The following PTPRQ variants were observed in gnomAD, a reference collection of about 807,000 sequenced individuals.
PTPRQ encodes the protein protein tyrosine phosphatase receptor type Q.
A neutral mutation model predicts 246.0 loss-of-function variants in PTPRQ; 199 were observed. The observed-to-expected ratio is 0.81, with a 90% confidence interval of 0.72 to 0.91. PTPRQ has a LOEUF of 0.91. Ranked by LOEUF, PTPRQ falls within the 40% of genes least tolerant of loss-of-function variation. PTPRQ has a pLI of 0.00. For missense variants in PTPRQ, 2,624 were observed against 2,528.4 expected (o/e 1.04, Z -0.81); for synonymous variants, 869 against 853.2 (o/e 1.02, Z -0.32).
At position 80,499,944 on chromosome 12, in the gene PTPRQ, C is replaced by T. The variant is rs74809786; in HGVS notation, c.2272+3413C>T. On this transcript the variant is annotated intron_variant, in intron 14 of 44. Coordinates refer to ENST00000644991, the MANE Select transcript of PTPRQ (RefSeq NM_001145026.2). Reference sequence around the variant, plus strand: ...TCTTTTGATGATCTATACATATTCCCTTTCCTTTTTAAGACACAACCATCT... The same window carrying T: ...TCTTTTGATGATCTATACATATTCCTTTTCCTTTTTAAGACACAACCATCT... Among the ~76,000 whole-genome samples, 1,205 of 151,994 alleles carry T rather than the reference C, an allele frequency of 7.9e-3. 15 individuals are homozygous for T. The highest frequency in any genetic ancestry group is 0.028 in the African/African-American group (1,145 of 41,504).
chr12:80,615,444 T>C (rs1243934330), intron 29 of PTPRQ, among the ~76,000 whole-genome samples: 4 of 151,080 alleles, frequency 2.6e-5, no homozygotes, highest in African/African-American at 9.7e-5. Flanking sequence ...GCCAAGAATA[T>C]AGTCTCTGTT....
chr12:80,616,951 G>A (rs767916059), intron 30 of PTPRQ, among the ~76,000 whole-genome samples: 20 of 151,260 alleles, frequency 1.3e-4, no homozygotes, highest in Non-Finnish European at 2.7e-4. Context: ...CTAAAAATGT[G>A]TAATAAAACC....
intron 32 of PTPRQ, among the ~76,000 whole-genome samples, chr12:80,620,976 TTA>T (rs1320728022): frequency 2.6e-5 from 4 of 152,056 alleles, no homozygotes; most frequent in Middle Eastern, 3.4e-3. Context: ...TTTGAATTGA[TTA>T]TGTTATTTTT....
chr12:80,521,896 G>A (rs990807092), intron 17 of PTPRQ, among the ~76,000 whole-genome samples: 3 of 152,118 alleles, frequency 2.0e-5, no homozygotes, highest in Admixed American at 6.6e-5. Flanking sequence ...CCAATTCTGT[G>A]AAGAAAGTCA....
intron 25 of PTPRQ, among the ~76,000 whole-genome samples, chr12:80,571,075 G>C (rs147031805): frequency 0.022 from 3,405 of 152,082 alleles, 136 homozygotes; most frequent in African/African-American, 0.077. Context: ...GCTCTTTTTT[G>C]GTTCCATATG....
At chr12:80,576,537 A>G (rs1897283224) in intron 25 of PTPRQ, among the ~76,000 whole-genome samples, 1 of 152,172 alleles carries the variant, frequency 6.6e-6, no homozygotes, top group Non-Finnish European at 1.5e-5. Context: ...CTGTCCATCC[A>G]TCCATTCATC....
At chr12:80,606,332 A>G (rs752431783) in intron 27 of PTPRQ, among the ~76,000 whole-genome samples, 2 of 151,150 alleles carry the variant, frequency 1.3e-5, no homozygotes, top group South Asian at 4.1e-4. Flanking sequence ...GTGCAAAGTA[A>G]GATGACAACC....
At chr12:80,492,400 C>G (rs1343952008) in intron 9 of PTPRQ, among the ~76,000 whole-genome samples, 1 of 151,942 alleles carries the variant, frequency 6.6e-6, no homozygotes, top group Non-Finnish European at 1.5e-5. Flanking sequence ...TAGGTATGTT[C>G]TAATTAGACT....
At chr12:80,488,675 T>C (rs1894355998) in intron 9 of PTPRQ, among the ~76,000 whole-genome samples, 1 of 152,156 alleles carries the variant, frequency 6.6e-6, no homozygotes, top group East Asian at 1.9e-4. Context: ...CATCATCTTT[T>C]TTTGTAGCCA....
intron 39 of PTPRQ, among the ~76,000 whole-genome samples, chr12:80,666,854 A>C (rs1179196288): frequency 6.6e-6 from 1 of 151,922 alleles, no homozygotes; most frequent in Non-Finnish European, 1.5e-5. Flanking sequence ...ATATCTGATC[A>C]CTTCTCACCA....
chr12:80,573,345 C>T (rs1041926885), intron 25 of PTPRQ, among the ~76,000 whole-genome samples: 8 of 151,978 alleles, frequency 5.3e-5, no homozygotes, highest in African/African-American at 1.7e-4. Context: ...AAAAATTAGC[C>T]GGGCATGGTG....
At position 80,619,413 on chromosome 12, in the gene PTPRQ, C is replaced by T; in HGVS notation, c.5260C>T (p.Pro1754Ser). ...AGCACGACCAAAAACCAAACCAACC[C>T]CTATTTATGATGCCACAGGAAAACT... ...APARPKTKPT[P>S]IYDATGKLLV... Residue 1754 changes from proline to serine, a missense_variant, in exon 31 of 45, where the codon CCT (proline) becomes TCT (serine). Pro to Ser is a moderately conservative substitution (Grantham distance 74, BLOSUM62 -1). Coordinates refer to ENST00000644991, the MANE Select transcript of PTPRQ (RefSeq NM_001145026.2). 6.5e-7 allele frequency: 1 copy of T among 1,547,650 alleles called. No individual in the cohort carries two copies. Among genetic ancestry groups the T allele is most frequent in the Non-Finnish European group, 8.7e-7 (1 of 1,144,500 alleles).
At chr12:80,633,806 G>A (rs1218730428) in intron 34 of PTPRQ, among the ~76,000 whole-genome samples, 1 of 152,156 alleles carries the variant, frequency 6.6e-6, no homozygotes, top group Admixed American at 6.5e-5. Context: ...AGTATGGACT[G>A]GCCACATTTA....
At chr12:80,651,818 T>A (rs1000719905) in intron 37 of PTPRQ, among the ~76,000 whole-genome samples, 5 of 152,196 alleles carry the variant, frequency 3.3e-5, no homozygotes, top group East Asian at 3.9e-4. Context: ...GTTAAAAAAA[T>A]TTTGTAAGCC....
At chr12:80,625,015 G>T (rs540987901) in intron 33 of PTPRQ, among the ~76,000 whole-genome samples, 1 of 152,206 alleles carries the variant, frequency 6.6e-6, no homozygotes, top group Non-Finnish European at 1.5e-5. Flanking sequence ...GGACAAGCTC[G>T]CCACAGATTC....
chr12:80,514,960 A>T (rs1174959403), intron 17 of PTPRQ, among the ~76,000 whole-genome samples: 2 of 149,516 alleles, frequency 1.3e-5, no homozygotes, highest in African/African-American at 4.9e-5. Context: ...TTAAATATAC[A>T]CATATATTTA....
intron 17 of PTPRQ, among the ~76,000 whole-genome samples, chr12:80,510,839 T>C (rs1895105069): frequency 6.6e-6 from 1 of 152,186 alleles, no homozygotes; most frequent in African/African-American, 2.4e-5. Flanking sequence ...TAGCTATTTT[T>C]AAAGAAATCT....
chr12:80,569,199 A>G (rs1897069866), intron 25 of PTPRQ, among the ~76,000 whole-genome samples: 1 of 146,792 alleles, frequency 6.8e-6, no homozygotes, highest in African/African-American at 2.5e-5. Flanking sequence ...CCTATGAGTG[A>G]GAATATGCGG....
intron 9 of PTPRQ, among the ~76,000 whole-genome samples, chr12:80,485,789 C>G (rs1382863541): frequency 3.9e-5 from 6 of 152,148 alleles, no homozygotes; most frequent in Admixed American, 6.6e-5. Flanking sequence ...TTTCCTAGTA[C>G]TAGATGACAG....
Sources: allele counts gnomAD v4.1 joint callset (sites outside exome capture counted in the v4.1 genomes callset), GRCh38; gene constraint gnomAD v4.1.1; transcripts MANE v1.5; gene names NCBI Gene and HGNC (gene_info 2026-07-23, HGNC 2026-07-21).